EPHB2: variants seen among roughly 807,000 people sequenced by gnomAD.
EPHB2 encodes the protein ephrin type-B receptor 2.
A neutral mutation model predicts 96.4 loss-of-function variants in EPHB2; 18 were observed. The observed-to-expected ratio is 0.19, with a 90% CI of 0.13 to 0.28. The LOEUF (loss-of-function observed/expected upper bound fraction) is 0.28, where lower values mean the gene tolerates loss of function less well. EPHB2 is among the 10% of genes least tolerant of loss of function. EPHB2 has a pLI of 1.00. For synonymous variants in EPHB2, 506 were observed against 534.1 expected, an observed-to-expected ratio of 0.95 and a Z score of 0.72; for missense variants, 989 against 1,355.4, an observed-to-expected ratio of 0.73 and a Z score of 4.25.
chr1:22,863,214 G>A (rs772459312), intron 4 of EPHB2, 22 bp downstream of exon 4: 1 of 1,614,052 alleles, frequency 6.2e-7, no homozygotes, highest in East Asian at 2.2e-5. Context: ...GGCCCCTCAA[G>A]GGCGATGGCT....
At chr1:22,789,725 C>A (rs1175632169) in intron 3 of EPHB2, among the ~76,000 whole-genome samples, 2 of 152,080 alleles carry the variant, frequency 1.3e-5, no homozygotes, top group Non-Finnish European at 2.9e-5. Context: ...TAGGAGAAGA[C>A]AGAAGAAAAA....
intron 3 of EPHB2, among the ~76,000 whole-genome samples, chr1:22,856,124 T>C (rs568168970): frequency 5.9e-5 from 9 of 152,170 alleles, no homozygotes; most frequent in African/African-American, 9.6e-5. Flanking sequence ...GCATCAGTTG[T>C]CTTTGGGATT....
intron 3 of EPHB2, among the ~76,000 whole-genome samples, chr1:22,861,903 C>T (rs540984716): frequency 2.6e-4 from 39 of 152,332 alleles, no homozygotes; most frequent in African/African-American, 8.4e-4. Context: ...AATGTACTCC[C>T]GGTGAGGGCC....
chr1:22,720,660 T>TCCC lies in EPHB2; in HGVS notation c.61+9628_61+9630dup, dbSNP rs916713865. On this transcript the variant is annotated intron_variant, in intron 1 of 15. Transcript: ENST00000374630. ...GGCAACAGGAAGCCAGAAATCTCAT[T>TCCC]CCCCCCCCCCCCCGCCCCAGCACTT... Among the ~76,000 whole-genome samples, 115 of 57,362 alleles carry TCCC rather than the reference T, an allele frequency of 2.0e-3. 4 individuals are homozygous for TCCC. The highest frequency in any genetic ancestry group is 0.013 in the South Asian group (10 of 758). The allele number at this position is 57,362 out of a possible 152,430, so 37.6% of individuals were successfully genotyped here.
At chr1:22,912,848 T>C in intron 15 of EPHB2, 1 of 529,440 alleles carries the variant, frequency 1.9e-6, no homozygotes, top group East Asian at 3.7e-5. Flanking sequence ...ACCTACAAAC[T>C]GGGGGTTGGT....
chr1:22,840,622 G>C (rs1645452262), intron 3 of EPHB2, among the ~76,000 whole-genome samples: 1 of 152,060 alleles, frequency 6.6e-6, no homozygotes, highest in Non-Finnish European at 1.5e-5. Context: ...AACCACGCCT[G>C]GCTAATTTTT....
Position 22,915,919 on chromosome 1 carries a change from G to A in EPHB2, c.*2349G>A, listed in dbSNP as rs753522617. On this transcript the variant is annotated 3_prime_UTR_variant, in exon 16 of 16. Transcript: ENST00000374630. ...TCGGGCCACAGGCAGCCAGCTAGAAGCGCCACGGTCAGAGTGAACATCCAG... is the reference window on the plus strand; with the variant it reads ...TCGGGCCACAGGCAGCCAGCTAGAAACGCCACGGTCAGAGTGAACATCCAG... 6.6e-6 allele frequency: 1 copy of A among 152,466 alleles called. No individual in the cohort carries two copies. Among genetic ancestry groups the A allele is most frequent in the African/African-American group, 2.4e-5 (1 of 41,466 alleles). The allele number at this position is 152,466 out of a possible 1,614,324, so 9.4% of individuals were successfully genotyped here. A position where few individuals can be genotyped will look rare whatever the true frequency, so the allele number is the denominator to read the frequency against.
chr1:22,756,917 T>G (rs995998411), intron 1 of EPHB2, among the ~76,000 whole-genome samples: 2 of 152,196 alleles, frequency 1.3e-5, no homozygotes, highest in Admixed American at 1.3e-4. Context: ...CATTTGCAAC[T>G]TTGAAAGGAA....
chr1:22,741,946 C>T (rs1487073595), intron 1 of EPHB2, among the ~76,000 whole-genome samples: 1 of 152,128 alleles, frequency 6.6e-6, no homozygotes, highest in Non-Finnish European at 1.5e-5. Context: ...TCTGTGTCTC[C>T]AGTGCCCATG....
intron 3 of EPHB2, among the ~76,000 whole-genome samples, chr1:22,833,805 G>A (rs546145011): frequency 1.3e-5 from 2 of 152,268 alleles, no homozygotes; most frequent in East Asian, 3.9e-4. Context: ...TTCATAGTTT[G>A]GATGAGGAAA....
intron 1 of EPHB2, among the ~76,000 whole-genome samples, chr1:22,776,945 C>T (rs1459252670): frequency 1.3e-5 from 2 of 152,216 alleles, no homozygotes; most frequent in African/African-American, 4.8e-5. Context: ...CACCACCTCT[C>T]AGGGGACCAC....
rs180827932 is a variant in EPHB2, at chr1:22,881,566, A to G, written c.1304-793A>G. ...AGTCTCAAAAAATAACAATCATAAA[A>G]TCAAATGAGGGAATTGTACTAAGGT... On this transcript the variant is annotated intron_variant, in intron 5 of 15. Transcript: ENST00000374630. Among the ~76,000 whole-genome samples the G allele has an allele frequency of 1.3e-3, 196 of 152,182 alleles. 1 individual carries two copies. Among genetic ancestry groups the G allele is most frequent in the Non-Finnish European group, 4.4e-4 (30 of 68,002 alleles).
intron 3 of EPHB2, among the ~76,000 whole-genome samples, chr1:22,805,744 G>C (rs899849092): frequency 6.6e-6 from 1 of 152,228 alleles, no homozygotes; most frequent in African/African-American, 2.4e-5. Context: ...GAGAGAGAGA[G>C]AGATTGGGAG....
rs1235911378 is a variant in EPHB2 at position 22,858,662 on chromosome 1, G to A, written c.812-4375G>A. Among the ~76,000 whole-genome samples, 1 of 152,156 alleles carries A rather than the reference G, an allele frequency of 6.6e-6. No homozygotes were observed. Among genetic ancestry groups the A allele is most frequent in the Non-Finnish European group, 1.5e-5 (1 of 68,032 alleles). ...TTCCCACCCAGAAGTTGGGAGTGGT[G>A]TGGCCCCCCGGGCACTGTGGGCAGT... On this transcript the variant is annotated intron_variant, in intron 3 of 15. Coordinates refer to ENST00000374630, the MANE Select transcript of EPHB2 (RefSeq NM_017449.5). The surrounding 1 kb of genome is among the most constrained non-coding windows in gnomAD (Gnocchi z 7.7).
At chr1:22,754,903 G>A (rs867236817) in intron 1 of EPHB2, among the ~76,000 whole-genome samples, 9 of 86,128 alleles carry the variant, frequency 1.0e-4, no homozygotes, top group African/African-American at 3.1e-4. Context: ...GGCAGAGGAG[G>A]TGAGGCGAGG....
At chr1:22,732,065 A>G (rs757360777) in intron 1 of EPHB2, among the ~76,000 whole-genome samples, 1 of 152,344 alleles carries the variant, frequency 6.6e-6, no homozygotes, top group Non-Finnish European at 1.5e-5. Context: ...GCTCTGGGCC[A>G]TACAGACCAT....
rs753548712 is a variant in EPHB2 at position 22,784,463 on chromosome 1, G to A, written c.198G>A (p.Glu66=). ...IRTYQVCNVF[E]SSQNNWLRTK... is the part of the protein sequence containing the mutation. ...CGTACCAGGTGTGCAACGTGTTTGAGTCAAGCCAGAACAACTGGCTACGGA... is the reference window on the plus strand; with the variant it reads ...CGTACCAGGTGTGCAACGTGTTTGAATCAAGCCAGAACAACTGGCTACGGA... Residue 66 remains glutamate, a synonymous_variant, in exon 3 of 16, where the codon GAG becomes GAA. Coordinates refer to ENST00000374630, the MANE Select transcript of EPHB2 (RefSeq NM_017449.5). The surrounding 1 kb of genome is among the most constrained non-coding windows in gnomAD (Gnocchi z 5.1). The A allele has an allele frequency of 1.8e-5, 29 of 1,614,104 alleles. No homozygotes were observed. In the Middle Eastern group the frequency reaches 4.9e-4, roughly 27 times the overall value.
At position 22,893,023 on chromosome 1, in the gene EPHB2, T is replaced by G; in HGVS notation, c.1568T>G (p.Met523Arg). 3 of 1,614,192 alleles carry G rather than the reference T, an allele frequency of 1.9e-6. No homozygotes were observed. Among genetic ancestry groups the G allele is most frequent in the Non-Finnish European group, 1.7e-6 (2 of 1,180,022 alleles). ...GGTTACGGGCGCTACAGCGGCAAGA[T>G]GTACTTCCAGACCATGACAGAAGGT... Reference protein sequence around the residue: ...VAGYGRYSGKMYFQTMTEAEY... With the variant: ...VAGYGRYSGKRYFQTMTEAEY... Residue 523 changes from methionine to arginine, a missense_variant, in exon 7 of 16, where the codon ATG (methionine) becomes AGG (arginine). Coordinates refer to ENST00000374630, the MANE Select transcript of EPHB2 (RefSeq NM_017449.5).
rs1570433604 is a variant in EPHB2, at chr1:22,882,502, C to T, written c.1428+19C>T. 3 of 1,612,860 alleles carry T rather than the reference C, an allele frequency of 1.9e-6. No individual in the cohort carries two copies. Among genetic ancestry groups the T allele is most frequent in the Non-Finnish European group, 2.5e-6 (3 of 1,179,208 alleles). ...TGAGAAGGTACCTATTGGCTGGGTG[C>T]TGTCCCCATCACCCACCTCCCTGAG... On this transcript the variant is annotated intron_variant, in intron 6 of 15. Coordinates refer to ENST00000374630, the MANE Select transcript of EPHB2 (RefSeq NM_017449.5).
Sources: allele counts gnomAD v4.1 joint callset (sites outside exome capture counted in the v4.1 genomes callset), GRCh38; gene constraint gnomAD v4.1.1; non-coding constraint Gnocchi (gnomAD v3.1); transcripts MANE v1.5; gene names NCBI Gene and HGNC (gene_info 2026-07-23, HGNC 2026-07-21).